Variants in RAP1GAP2 observed in about 807,000 individuals in gnomAD.
The protein encoded by RAP1GAP2 is rap1 GTPase-activating protein 2.
Under a neutral mutation model 95.0 loss-of-function variants are expected in RAP1GAP2, and 27 were observed. The ratio of observed to expected loss-of-function variants is 0.28; its 90% CI spans 0.21 to 0.39. RAP1GAP2 has a LOEUF of 0.39. Ranked by LOEUF, RAP1GAP2 falls within the 10% of genes least tolerant of loss-of-function variation. The pLI is 1.00. For synonymous variants in RAP1GAP2, 373 were observed against 380.9 expected, an observed-to-expected ratio of 0.98 and a Z score of 0.24; for missense variants, 771 against 970.0, an observed-to-expected ratio of 0.79 and a Z score of 2.72.
intron 13 of RAP1GAP2, among the ~76,000 whole-genome samples, chr17:2,996,466 C>CA (rs2045964935): frequency 6.6e-6 from 1 of 152,182 alleles, no homozygotes; most frequent in Non-Finnish European, 1.5e-5. Flanking sequence ...AAATTGTAAA[C>CA]ATAGTGCCTG....
In RAP1GAP2 at chr17:2,782,205, T is replaced by TC. The variant is rs375153626; in HGVS notation, c.-14+4932dup. On this transcript the variant is annotated intron_variant, in intron 1 of 24. Transcript: ENST00000540393. ...TCCCTCTGTCTGAGGAAGTTGCTTC[T>TC]CCCCCTCTGGCTGTGTGGGCGTCCA... 3.1e-3 allele frequency among the ~76,000 whole-genome samples: 478 copies of TC among 152,236 alleles called. 3 individuals are homozygous for TC. The highest frequency in any genetic ancestry group is 0.01 in the African/African-American group (417 of 41,542).
At chr17:3,012,605 CAAAAAAAAAAAAAA>C (rs71377567) in intron 17 of RAP1GAP2, among the ~76,000 whole-genome samples, 2 of 69,688 alleles carry the variant, frequency 2.9e-5, no homozygotes, top group Admixed American at 2.0e-4. Context: ...GACTGTGTCT[CAAAAAAAAAAAAAA>C]AAAAAAAAAA....
intron 3 of RAP1GAP2, among the ~76,000 whole-genome samples, chr17:2,948,873 C>A (rs1418330230): frequency 6.6e-6 from 1 of 152,210 alleles, no homozygotes; most frequent in Non-Finnish European, 1.5e-5. Flanking sequence ...CTTTTCCCGT[C>A]GCTTCTTCTG....
rs1597566176 is a variant in RAP1GAP2 at position 2,903,455 on chromosome 17, G to A, written c.81-1829G>A. Among the ~76,000 whole-genome samples the A allele has an allele frequency of 1.3e-5, 2 of 152,338 alleles. No homozygotes were observed. Among genetic ancestry groups the A allele is most frequent in the African/African-American group, 4.8e-5 (2 of 41,582 alleles). On this transcript the variant is annotated intron_variant, in intron 2 of 24. Transcript: ENST00000254695. This position sits in a 1 kb window ranked among gnomAD's most constrained non-coding sequence, Gnocchi z 4.1. ...ACATAGAAGGAGGCTGGCAGCTCTA[G>A]CTGAGAGGTAGCAGGAGCTGGTGCC...
intron 8 of RAP1GAP2, among the ~76,000 whole-genome samples, chr17:2,978,042 C>T (rs1171460544): frequency 6.6e-6 from 1 of 152,158 alleles, no homozygotes; most frequent in Non-Finnish European, 1.5e-5. Context: ...ATGTCATCCT[C>T]TTTTCACCTT....
At chr17:2,829,904 A>C (rs1428688826) in intron 2 of RAP1GAP2, among the ~76,000 whole-genome samples, 1 of 148,808 alleles carries the variant, frequency 6.7e-6, no homozygotes, top group African/African-American at 2.5e-5. Flanking sequence ...CTTCTGCCTC[A>C]GTCTCTCGAG....
Position 3,027,181 on chromosome 17 carries a change from C to G in RAP1GAP2, c.2107+111C>G. ...AACTGGCCAGTTTTCACCCCTCCTC[C>G]CAGCTGTGAGGCCCTCCGCTCTGTG... On this transcript the variant is annotated intron_variant, in intron 22 of 24. Transcript: ENST00000254695. The surrounding 1 kb of genome is among the most constrained non-coding windows in gnomAD (Gnocchi z 5.2). 1 of 1,366,536 alleles carries G rather than the reference C, an allele frequency of 7.3e-7. No homozygotes were observed. 84.7% of individuals were successfully genotyped at this position (1,366,536 alleles called of 1,614,324 possible).
chr17:2,922,019 G>A (rs2042797278), intron 3 of RAP1GAP2, among the ~76,000 whole-genome samples: 1 of 152,182 alleles, frequency 6.6e-6, no homozygotes, highest in Admixed American at 6.5e-5. Flanking sequence ...AATTATATCT[G>A]TTATCTCAGT....
At chr17:2,809,462 G>A (rs1032626344) in intron 2 of RAP1GAP2, among the ~76,000 whole-genome samples, 3 of 152,134 alleles carry the variant, frequency 2.0e-5, no homozygotes, top group African/African-American at 7.2e-5. Context: ...AATGTGGACC[G>A]GGTGGCCTGT....
chr17:2,938,786 A>G (rs2043383260), intron 3 of RAP1GAP2, among the ~76,000 whole-genome samples: 1 of 152,050 alleles, frequency 6.6e-6, no homozygotes, highest in Non-Finnish European at 1.5e-5. Context: ...TAGGAGTTTG[A>G]GATCAGCCTG....
At chr17:2,884,555 T>C (rs774092720) in intron 2 of RAP1GAP2, among the ~76,000 whole-genome samples, 16 of 151,868 alleles carry the variant, frequency 1.1e-4, no homozygotes, top group South Asian at 4.1e-4. Flanking sequence ...GTATTTTTAG[T>C]GGAAAAGGGG....
rs1366456621 is a variant in RAP1GAP2 at position 2,857,391 on chromosome 17, C to T, written c.81-47893C>T. Among the ~76,000 whole-genome samples, 1 of 152,162 alleles carries T rather than the reference C, an allele frequency of 6.6e-6. No individual in the cohort carries two copies. The highest frequency in any genetic ancestry group is 2.4e-5 in the African/African-American group (1 of 41,422). ...TCATGAGACAGATGTCCCATATAGT[C>T]CCAGAACTAGGAGACTCCCAGCTAG... On this transcript the variant is annotated intron_variant, in intron 2 of 24. Transcript: ENST00000254695. This position sits in a 1 kb window ranked among gnomAD's most constrained non-coding sequence, Gnocchi z 4.0.
At chr17:2,900,987 C>T (rs534515379) in intron 2 of RAP1GAP2, among the ~76,000 whole-genome samples, 8 of 152,206 alleles carry the variant, frequency 5.3e-5, no homozygotes, top group African/African-American at 1.9e-4. Flanking sequence ...AGGCGAGGAG[C>T]CTGCAGGCCT....
intron 1 of RAP1GAP2, among the ~76,000 whole-genome samples, chr17:2,762,189 G>A (rs1257268090): frequency 9.9e-5 from 15 of 151,286 alleles, no homozygotes; most frequent in Non-Finnish European, 1.3e-4. Context: ...GGGTTTCACC[G>A]TGTTAGCCAG....
intron 14 of RAP1GAP2, 134 bp downstream of exon 14, chr17:2,998,510 G>A (rs1447455596): frequency 3.4e-6 from 4 of 1,160,356 alleles, no homozygotes; most frequent in East Asian, 5.2e-5. Flanking sequence ...GGGGTTTGGA[G>A]CTAGATTCTG....
intron 2 of RAP1GAP2, among the ~76,000 whole-genome samples, chr17:2,869,439 G>GA (rs113819769): frequency 1.0e-3 from 145 of 142,816 alleles, no homozygotes; most frequent in Middle Eastern, 3.7e-3. Context: ...GTAAAATGAT[G>GA]AAAAAAAAAA....
rs185375745 is a variant in RAP1GAP2 at position 2,945,034 on chromosome 17, C to G, written c.166-12725C>G. ...GATTACAGGCGCCCGCCACCACGCC[C>G]GGCTGATTTTTTTTGTATTTTTAGT... On this transcript the variant is annotated intron_variant, in intron 3 of 24. Transcript: ENST00000254695. 1.6e-4 allele frequency among the ~76,000 whole-genome samples: 24 copies of G among 152,082 alleles called. No homozygotes were observed. In the East Asian group the frequency reaches 4.7e-3, roughly 29 times the overall value.
intron 2 of RAP1GAP2, among the ~76,000 whole-genome samples, chr17:2,854,978 G>A (rs538685757): frequency 4.6e-5 from 7 of 152,288 alleles, no homozygotes; most frequent in Middle Eastern, 3.4e-3. Flanking sequence ...AGTTTCCAGA[G>A]GAGTTTTGGA....
chr17:2,856,138 G>C (rs2072126780), intron 2 of RAP1GAP2, among the ~76,000 whole-genome samples: 1 of 152,134 alleles, frequency 6.6e-6, no homozygotes, highest in Non-Finnish European at 1.5e-5. Flanking sequence ...TTTATCTGTA[G>C]AGTGGTGGTG....
Sources: gnomAD v4.1 joint callset for allele counts (sites outside exome capture counted in the v4.1 genomes callset) on GRCh38, gnomAD v4.1.1 for gene constraint, Gnocchi (gnomAD v3.1) non-coding constraint, MANE v1.5 for transcripts, NCBI Gene and HGNC (gene_info 2026-07-23, HGNC 2026-07-21) for gene names.